PFKP: variants seen among roughly 807,000 people sequenced by gnomAD.
PFKP encodes ATP-dependent 6-phosphofructokinase, platelet type.
PFKP carries 101 observed loss-of-function variants against 94.3 expected under a neutral mutation model. The ratio of observed to expected loss-of-function variants is 1.07; its 90% CI spans 0.91 to 1.26. PFKP has a LOEUF of 1.26. Ranked by LOEUF, PFKP falls within the 50% of genes most tolerant of loss-of-function variation. PFKP has a pLI of 0.00. For missense variants in PFKP, 1,145 were observed against 1,103.3 expected, an observed-to-expected ratio of 1.04 and a Z score of -0.53; for synonymous variants, 573 against 432.6, an observed-to-expected ratio of 1.32 and a Z score of -4.03.
intron 13 of PFKP, among the ~76,000 whole-genome samples, chr10:3,115,849 A>G (rs1382186652): frequency 6.6e-6 from 1 of 152,132 alleles, no homozygotes; most frequent in Non-Finnish European, 1.5e-5. Flanking sequence ...GAGGAGTGGC[A>G]GAGAGGTGGG....
chr10:3,087,715 T>A (rs915825829), intron 2 of PFKP, among the ~76,000 whole-genome samples: 1 of 152,178 alleles, frequency 6.6e-6, no homozygotes, highest in African/African-American at 2.4e-5. Flanking sequence ...ATCAGCTCAT[T>A]TGAGCCCAAA....
chr10:3,074,378 G>A (rs1464734595), intron 1 of PFKP, among the ~76,000 whole-genome samples: 1 of 152,170 alleles, frequency 6.6e-6, no homozygotes, highest in African/African-American at 2.4e-5. Context: ...GGAGGAGTCC[G>A]TAGAGGAGAG....
chr10:3,132,379 G>A lies in PFKP; in HGVS notation c.1849-1G>A. The A allele has an allele frequency of 6.2e-7, 1 of 1,607,308 alleles. No homozygotes were observed. Among genetic ancestry groups the A allele is most frequent in the Non-Finnish European group, 8.5e-7 (1 of 1,173,842 alleles). ...CTGATTAACAAAATACTCTCTTCCA[G>A]TCCAACGTGGAGCACCTGACGGAGA... On this transcript the variant is annotated splice_acceptor_variant, in intron 17 of 21. Transcript: ENST00000381125. LOFTEE classifies it high-confidence loss of function.
In PFKP at chr10:3,083,509, C is replaced by T. The variant is rs113277095; in HGVS notation, c.186+1048C>T. Among the ~76,000 whole-genome samples the T allele has an allele frequency of 3.6e-3, 549 of 152,206 alleles. 5 individuals carry two copies. The highest frequency in any genetic ancestry group is 0.019 in the South Asian group (93 of 4,828). ...TTTAGTCTGATTTCCTTCAGTATGA[C>T]GTATGTAAAACACCGGAAAGAAACA... On this transcript the variant is annotated intron_variant, in intron 2 of 21. Coordinates refer to ENST00000381125, the MANE Select transcript of PFKP (RefSeq NM_002627.5).
intron 16 of PFKP, among the ~76,000 whole-genome samples, chr10:3,127,558 G>C (rs2388565): frequency 0.68 from 102,891 of 152,134 alleles, 34,914 homozygotes; most frequent in East Asian, 0.74. Flanking sequence ...AGACAAAGGA[G>C]AAGTCTTAAA....
intron 2 of PFKP, among the ~76,000 whole-genome samples, chr10:3,095,280 A>G (rs7076989): frequency 0.26 from 39,629 of 151,806 alleles, 6,114 homozygotes; most frequent in Non-Finnish European, 0.34. Flanking sequence ...TACTCCATTT[A>G]TGATGGATTC....
intron 2 of PFKP, among the ~76,000 whole-genome samples, chr10:3,095,131 G>A (rs950465735): frequency 1.4e-5 from 2 of 142,394 alleles, no homozygotes. Flanking sequence ...CATGCAACAA[G>A]CATTCTGAAA....
chr10:3,128,109 G>A (rs1278404021), intron 16 of PFKP, among the ~76,000 whole-genome samples: 2 of 152,134 alleles, frequency 1.3e-5, no homozygotes, highest in East Asian at 1.9e-4. Flanking sequence ...ACGGACGGAC[G>A]GCTGGCTGGG....
intron 15 of PFKP, 87 bp downstream of exon 15, chr10:3,118,956 G>A (rs3829915): frequency 1.1e-6 from 1 of 948,510 alleles, no homozygotes; most frequent in South Asian, 1.5e-5. Context: ...TTGGCTACTG[G>A]CCACGATCCG....
In PFKP at chr10:3,129,824, C is replaced by T. The variant is rs144933994; in HGVS notation, c.1689C>T (p.Cys563=). ...DTALNTITDT[C]DRIKQSASGT... is the part of the protein sequence containing the mutation. ...GATCGCTTCTCTGTGACCAGACCTG[C>T]GACCGCATCAAGCAGTCCGCCAGCG... Residue 563 remains cysteine, a synonymous_variant, in exon 17 of 22, where the codon TGC becomes TGT. Transcript: ENST00000381125. 1.2e-4 allele frequency: 190 copies of T among 1,613,390 alleles called. No homozygotes were observed. The East Asian group carries it at 1.5e-3, about 13-fold the overall frequency.
At chr10:3,128,307 C>G (rs999109251) in intron 16 of PFKP, among the ~76,000 whole-genome samples, 1 of 152,172 alleles carries the variant, frequency 6.6e-6, no homozygotes, top group Admixed American at 6.5e-5. Context: ...GGGAGAGACA[C>G]CGGGATAATT....
intron 2 of PFKP, among the ~76,000 whole-genome samples, chr10:3,093,934 C>T (rs1314467326): frequency 6.6e-6 from 1 of 152,224 alleles, no homozygotes; most frequent in Non-Finnish European, 1.5e-5. Context: ...TGAGCCACCG[C>T]ATCTGTCGTA....
rs192840703 is a variant in PFKP, at chr10:3,070,977, G to A, written c.112+3270G>A. ...TGCCGAGACTGGCCTTGAACTCCTGGCCTCCTGTAGTGATCCTCCTGCCTT... is the reference window on the plus strand; with the variant it reads ...TGCCGAGACTGGCCTTGAACTCCTGACCTCCTGTAGTGATCCTCCTGCCTT... On this transcript the variant is annotated intron_variant, in intron 1 of 21. Coordinates refer to ENST00000381125, the MANE Select transcript of PFKP (RefSeq NM_002627.5). 2.3e-4 allele frequency among the ~76,000 whole-genome samples: 35 copies of A among 151,952 alleles called. No individual in the cohort carries two copies. In the East Asian group the frequency reaches 6.4e-3, roughly 28 times the overall value.
intron 2 of PFKP, among the ~76,000 whole-genome samples, chr10:3,086,455 T>C (rs1337574945): frequency 3.3e-5 from 5 of 152,216 alleles, no homozygotes; most frequent in Admixed American, 1.3e-4. Context: ...TAGGGAGTGA[T>C]TTACCCCCTT....
chr10:3,088,132 C>T (rs912701331), intron 2 of PFKP, among the ~76,000 whole-genome samples: 12 of 142,594 alleles, frequency 8.4e-5, no homozygotes, highest in South Asian at 4.6e-4. Flanking sequence ...TCTCCTAATG[C>T]TATCCCTCCC....
chr10:3,112,755 A>G (rs9804221), intron 11 of PFKP, among the ~76,000 whole-genome samples: 24,031 of 152,202 alleles, frequency 0.16, 2,053 homozygotes, highest in South Asian at 0.29. Context: ...TTTAGTACAG[A>G]CGGGGTTTCA....
At chr10:3,086,556 C>T (rs1208614707) in intron 2 of PFKP, among the ~76,000 whole-genome samples, 2 of 152,146 alleles carry the variant, frequency 1.3e-5, no homozygotes, top group East Asian at 3.9e-4. Flanking sequence ...GCCAGTGATG[C>T]TACCGCACAT....
intron 17 of PFKP, 79 bp from the exon 18 acceptor site, chr10:3,132,300 CT>C: frequency 3.8e-6 from 4 of 1,043,568 alleles, no homozygotes; most frequent in Non-Finnish European, 3.0e-6. Context: ...TTGGTTGGCA[CT>C]TCCCAGCCTG....
chr10:3,098,416 C>T (rs1323896816), intron 2 of PFKP, among the ~76,000 whole-genome samples: 2 of 152,016 alleles, frequency 1.3e-5, no homozygotes, highest in Non-Finnish European at 2.9e-5. Flanking sequence ...TGGCTCACGC[C>T]TGTAATTCCA....
Sources: allele counts gnomAD v4.1 joint callset (sites outside exome capture counted in the v4.1 genomes callset), GRCh38; gene constraint gnomAD v4.1.1; transcripts MANE v1.5; gene names NCBI Gene and HGNC (gene_info 2026-07-23, HGNC 2026-07-21).